Variants in CNBD1 observed in about 807,000 individuals in gnomAD.
CNBD1 encodes the protein cyclic nucleotide binding domain containing 1.
In CNBD1, 71 loss-of-function variants were observed where a neutral mutation model predicts 54.4. The observed-to-expected ratio is 1.30, with a 90% CI of 1.08 to 1.59. The LOEUF is 1.59. Among genes scored for constraint, CNBD1 ranks in the 40% most tolerant of loss-of-function variants. The pLI is 0.00. For synonymous variants in CNBD1, 182 were observed against 170.7 expected, an observed-to-expected ratio of 1.07 and a Z score of -0.51; for missense variants, 659 against 518.0, an observed-to-expected ratio of 1.27 and a Z score of -2.64.
At chr8:86,982,437 G>A (rs774884404) in intron 4 of CNBD1, among the ~76,000 whole-genome samples, 5 of 152,166 alleles carry the variant, frequency 3.3e-5, no homozygotes, top group Admixed American at 1.3e-4. Flanking sequence ...CTTCATGTAA[G>A]CCTGTGATCC....
At chr8:87,283,546 C>A (rs959594418) in intron 6 of CNBD1, among the ~76,000 whole-genome samples, 2 of 152,048 alleles carry the variant, frequency 1.3e-5, no homozygotes, top group African/African-American at 4.8e-5. Flanking sequence ...GATTTTTCAG[C>A]TTTGGGTCTT....
In CNBD1 at chr8:87,152,184, T is replaced by TG. The variant is rs574792519; in HGVS notation, c.432-53805dup. 3.9e-5 allele frequency among the ~76,000 whole-genome samples: 6 copies of TG among 152,106 alleles called. No individual in the cohort carries two copies. In the South Asian group the frequency reaches 1.0e-3, roughly 26 times the overall value. On this transcript the variant is annotated intron_variant, in intron 4 of 10. Coordinates refer to ENST00000518476, the MANE Select transcript of CNBD1 (RefSeq NM_173538.3). Reference sequence around the variant, plus strand: ...AAGTTACACCCAGAGTGGAATGATTTGGGGAGGAACTGGAGTTGACTATGG... The same window carrying TG: ...AAGTTACACCCAGAGTGGAATGATTTGGGGGAGGAACTGGAGTTGACTATGG...
At chr8:87,381,865 C>CTAA (rs1811082178) in intron 10 of CNBD1, among the ~76,000 whole-genome samples, 1 of 151,842 alleles carries the variant, frequency 6.6e-6, no homozygotes, top group African/African-American at 2.4e-5. Flanking sequence ...TGGGAACCTA[C>CTAA]TAATCCATGG....
intron 6 of CNBD1, among the ~76,000 whole-genome samples, chr8:87,261,107 CA>C (rs1300201993): frequency 2.0e-5 from 3 of 152,122 alleles, no homozygotes; most frequent in African/African-American, 7.2e-5. Flanking sequence ...TAACTAAATT[CA>C]AGACAGTTAA....
intron 6 of CNBD1, among the ~76,000 whole-genome samples, chr8:87,273,780 A>T (rs546573680): frequency 7.3e-5 from 11 of 151,664 alleles, no homozygotes; most frequent in East Asian, 1.9e-4. Context: ...GTTTTTTTTT[A>T]AATTATTATA....
chr8:86,891,798 T>C (rs1383696413), intron 2 of CNBD1, among the ~76,000 whole-genome samples: 1 of 152,090 alleles, frequency 6.6e-6, no homozygotes, highest in African/African-American at 2.4e-5. Context: ...TTTGGTTAAA[T>C]TCACACCTAA....
chr8:86,919,984 A>G (rs565320792), intron 3 of CNBD1, among the ~76,000 whole-genome samples: 2 of 151,906 alleles, frequency 1.3e-5, no homozygotes, highest in African/African-American at 4.8e-5. Context: ...TTACTGTTTG[A>G]TATGTTTCTT....
At chr8:87,350,088 C>T (rs893453724) in intron 8 of CNBD1, among the ~76,000 whole-genome samples, 6 of 152,096 alleles carry the variant, frequency 3.9e-5, no homozygotes, top group Non-Finnish European at 7.4e-5. Flanking sequence ...TTCTTTATAT[C>T]CTTGCTGATT....
intron 4 of CNBD1, among the ~76,000 whole-genome samples, chr8:87,121,478 A>C (rs1034368157): frequency 6.6e-6 from 1 of 151,876 alleles, no homozygotes; most frequent in African/African-American, 2.4e-5. Flanking sequence ...AATTCAAGCC[A>C]ATTGACATAT....
At chr8:87,273,200 T>A (rs562869118) in intron 6 of CNBD1, among the ~76,000 whole-genome samples, 1 of 152,102 alleles carries the variant, frequency 6.6e-6, no homozygotes, top group Non-Finnish European at 1.5e-5. Flanking sequence ...TTATGAAATA[T>A]AGCTCAAATT....
chr8:87,165,602 G>A (rs1812945520), intron 4 of CNBD1, among the ~76,000 whole-genome samples: 1 of 151,852 alleles, frequency 6.6e-6, no homozygotes, highest in South Asian at 2.1e-4. Context: ...TTTGCATTGA[G>A]TAGGTTTTTC....
chr8:86,905,388 T>C (rs1809002597), intron 3 of CNBD1, among the ~76,000 whole-genome samples, 194 bp downstream of exon 3: 1 of 152,198 alleles, frequency 6.6e-6, no homozygotes, highest in Non-Finnish European at 1.5e-5. Flanking sequence ...CAAAAATACG[T>C]GTCCACTGCT....
rs139750145 is a variant in CNBD1 at position 87,055,130 on chromosome 8, A to G, written c.431+115376A>G. 7.6e-3 allele frequency among the ~76,000 whole-genome samples: 1,151 copies of G among 152,340 alleles called. 14 individuals are homozygous for G. The highest frequency in any genetic ancestry group is 0.013 in the Non-Finnish European group (893 of 68,026). On this transcript the variant is annotated intron_variant, in intron 4 of 10. Transcript: ENST00000518476. The stretch of plus-strand genomic sequence containing the variant: ...GGATGTTATTCAAGCTTGTGGTCTC[A>G]TGACTAAGAAAATTAAGAAGTGTAG...
intron 3 of CNBD1, among the ~76,000 whole-genome samples, chr8:86,911,917 G>T (rs901205935): frequency 2.0e-5 from 3 of 151,952 alleles, no homozygotes; most frequent in African/African-American, 7.2e-5. Context: ...AGAAGTTAAA[G>T]ATCTCTACTA....
intron 4 of CNBD1, among the ~76,000 whole-genome samples, chr8:87,019,703 C>A (rs1165780561): frequency 6.6e-6 from 1 of 152,022 alleles, no homozygotes; most frequent in Admixed American, 6.6e-5. Context: ...CATAGTGAAA[C>A]CCTGTCTCTA....
At chr8:87,287,239 G>T (rs1202265446) in intron 8 of CNBD1, among the ~76,000 whole-genome samples, 1 of 152,180 alleles carries the variant, frequency 6.6e-6, no homozygotes, top group African/African-American at 2.4e-5. Flanking sequence ...AAAAGTGTAG[G>T]TGGTATTGAG....
intron 4 of CNBD1, among the ~76,000 whole-genome samples, chr8:87,106,976 C>T (rs906746871): frequency 6.6e-6 from 1 of 151,940 alleles, no homozygotes; most frequent in Non-Finnish European, 1.5e-5. Flanking sequence ...TTACAGGCAC[C>T]CACCACCGTG....
At chr8:87,296,794 G>A (rs993266042) in intron 8 of CNBD1, among the ~76,000 whole-genome samples, 4 of 151,912 alleles carry the variant, frequency 2.6e-5, no homozygotes, top group African/African-American at 9.7e-5. Context: ...ATAATATATG[G>A]TTTGAGGAAG....
chr8:87,224,630 GT>G (rs1296844814), intron 5 of CNBD1, among the ~76,000 whole-genome samples: 2 of 151,650 alleles, frequency 1.3e-5, no homozygotes, highest in African/African-American at 4.9e-5. Context: ...GTACCATGCT[GT>G]TTTGGTTACT....
Sources: allele counts gnomAD v4.1 joint callset (sites outside exome capture counted in the v4.1 genomes callset), GRCh38; gene constraint gnomAD v4.1.1; transcripts MANE v1.5; gene names NCBI Gene and HGNC (gene_info 2026-07-23, HGNC 2026-07-21).